PTPN14: variants seen among roughly 807,000 people sequenced by gnomAD.
The protein encoded by PTPN14 is tyrosine-protein phosphatase non-receptor type 14.
Under a neutral mutation model 126.8 loss-of-function variants are expected in PTPN14, and 53 were observed. That is an observed-to-expected ratio of 0.42 (90% CI 0.34 to 0.53). The LOEUF (loss-of-function observed/expected upper bound fraction) is 0.53, where lower values mean the gene tolerates loss of function less well. Ranked by LOEUF, PTPN14 falls within the 20% of genes least tolerant of loss-of-function variation. The pLI is 0.08. For synonymous variants in PTPN14, 630 were observed against 599.3 expected (o/e 1.05, Z -0.75); for missense variants, 1,257 against 1,552.9 (o/e 0.81, Z 3.20).
chr1:214,524,823 A>G (rs1655347030), intron 1 of PTPN14, among the ~76,000 whole-genome samples: 1 of 152,200 alleles, frequency 6.6e-6, no homozygotes, highest in African/African-American at 2.4e-5. Context: ...CCACCTCCCA[A>G]TCTTCTCTTC....
At chr1:214,533,559 C>A (rs954663488) in intron 1 of PTPN14, 3 of 290,726 alleles carry the variant, frequency 1.0e-5, no homozygotes, top group Non-Finnish European at 2.0e-5. Flanking sequence ...AGGCTGGGTG[C>A]GGTGGCTCAC....
chr1:214,470,090 C>G lies in PTPN14; in HGVS notation c.-154-5133G>C, dbSNP rs373722121. Among the ~76,000 whole-genome samples, 33 of 150,438 alleles carry G rather than the reference C, an allele frequency of 2.2e-4. 1 individual carries two copies. In the South Asian group the frequency reaches 6.2e-3, roughly 28 times the overall value. ...TCACTTGAGTCCACGAATTCAAGAA[C>G]AGCCTGGGCAAAATAGCGAGACTTT... is the stretch of plus-strand genomic sequence containing the variant. On this transcript the variant is annotated intron_variant, in intron 1 of 18. Coordinates refer to ENST00000366956, the MANE Select transcript of PTPN14 (RefSeq NM_005401.5).
intron 1 of PTPN14, chr1:214,528,207 T>C (rs945306047): frequency 1.3e-5 from 2 of 152,208 alleles, no homozygotes; most frequent in African/African-American, 2.4e-5. Flanking sequence ...TTTTATTTCA[T>C]GCATTAAACC....
chr1:214,382,412 C>T (rs1174169289), intron 13 of PTPN14, among the ~76,000 whole-genome samples: 2 of 152,190 alleles, frequency 1.3e-5, no homozygotes, highest in Non-Finnish European at 2.9e-5. Flanking sequence ...GCCTTGAATT[C>T]CTGGGCTCAA....
chr1:214,435,240 CTG>C (rs749181690), intron 3 of PTPN14, among the ~76,000 whole-genome samples: 3 of 150,994 alleles, frequency 2.0e-5, no homozygotes, highest in South Asian at 2.1e-4. Flanking sequence ...AGTGTGTCTG[CTG>C]TGTGTGTGTG....
intron 1 of PTPN14, among the ~76,000 whole-genome samples, chr1:214,546,131 C>T (rs1655963054): frequency 6.6e-6 from 1 of 152,196 alleles, no homozygotes; most frequent in Non-Finnish European, 1.5e-5. Flanking sequence ...AGCAAGACTT[C>T]TTAGCTCAGT....
At chr1:214,442,876 T>C (rs942464040) in intron 3 of PTPN14, among the ~76,000 whole-genome samples, 12 of 151,436 alleles carry the variant, frequency 7.9e-5, no homozygotes, top group Non-Finnish European at 1.5e-4. Context: ...CAGACTGGAG[T>C]GCTATGGTGC....
chr1:214,430,911 C>T (rs1053985882), intron 3 of PTPN14, among the ~76,000 whole-genome samples: 1 of 152,208 alleles, frequency 6.6e-6, no homozygotes, highest in African/African-American at 2.4e-5. Flanking sequence ...CAGGACAGGA[C>T]TGACATCTTG....
At chr1:214,373,122 T>TTGGCTCACTGCAACC (rs1291430669) in intron 15 of PTPN14, among the ~76,000 whole-genome samples, 1 of 152,184 alleles carries the variant, frequency 6.6e-6, no homozygotes, top group Non-Finnish European at 1.5e-5. Context: ...TGGCACGATC[T>TTGGCTCACTGCAACC]TGGCTCACTG....
intron 2 of PTPN14, among the ~76,000 whole-genome samples, chr1:214,457,045 A>G (rs975115610): frequency 6.6e-6 from 1 of 152,186 alleles, no homozygotes; most frequent in Non-Finnish European, 1.5e-5. Flanking sequence ...ATCCCACATA[A>G]ATTATTAATT....
intron 1 of PTPN14, among the ~76,000 whole-genome samples, chr1:214,544,440 A>AAAAGAAAAGAACGAG (rs1469814238): frequency 6.6e-6 from 1 of 151,732 alleles, no homozygotes; most frequent in Non-Finnish European, 1.5e-5. Flanking sequence ...AGAAAGAAGG[A>AAAAGAAAAGAACGAG]AAAGAAAAGA....
At chr1:214,506,121 G>A (rs4529685) in intron 1 of PTPN14, among the ~76,000 whole-genome samples, 5,952 of 152,220 alleles carry the variant, frequency 0.039, 171 homozygotes, top group Middle Eastern at 0.12. Flanking sequence ...AGGAAACTAA[G>A]ACTGATAACA....
chr1:214,495,663 T>TTTTATTTA (rs869249183), intron 1 of PTPN14, among the ~76,000 whole-genome samples: 5 of 3,636 alleles, frequency 1.4e-3, no homozygotes, highest in Non-Finnish European at 3.8e-3. Flanking sequence ...ATTTTATTTT[T>TTTTATTTA]TTTATTTATT....
intron 1 of PTPN14, among the ~76,000 whole-genome samples, chr1:214,470,232 T>A (rs928497958): frequency 6.6e-6 from 1 of 152,112 alleles, no homozygotes; most frequent in Non-Finnish European, 1.5e-5. Flanking sequence ...GAGACTGCAG[T>A]GAGCTATAAT....
chr1:214,525,137 C>T (rs1655354474), intron 1 of PTPN14, among the ~76,000 whole-genome samples: 1 of 152,138 alleles, frequency 6.6e-6, no homozygotes, highest in Non-Finnish European at 1.5e-5. Context: ...TAAATCTCTG[C>T]GAAGATTCAG....
chr1:214,406,466 G>A (rs181559011), intron 5 of PTPN14, among the ~76,000 whole-genome samples: 2 of 150,284 alleles, frequency 1.3e-5, no homozygotes, highest in African/African-American at 2.5e-5. Flanking sequence ...GGGTGACAGA[G>A]CGAGATTGTC....
chr1:214,360,327 G>A (rs1657925458), intron 18 of PTPN14, among the ~76,000 whole-genome samples: 1 of 152,166 alleles, frequency 6.6e-6, no homozygotes, highest in African/African-American at 2.4e-5. Flanking sequence ...GCCTGGGCTA[G>A]AGTGCAGTGG....
intron 17 of PTPN14, among the ~76,000 whole-genome samples, chr1:214,368,196 T>TTTTATTTATTTATTTATTTATTTATTTA (rs142403379): frequency 4.0e-4 from 59 of 146,236 alleles, no homozygotes; most frequent in African/African-American, 4.8e-4. Flanking sequence ...TGTTATTCGT[T>TTTTATTTATTTATTTATTTATTTATTTA]TTTATTTATT....
At chr1:214,463,510 T>C (rs1442105914) in intron 2 of PTPN14, among the ~76,000 whole-genome samples, 1 of 152,104 alleles carries the variant, frequency 6.6e-6, no homozygotes, top group Non-Finnish European at 1.5e-5. Context: ...AGGAGACAGA[T>C]GCATTTCAGG....
Sources: gnomAD v4.1 joint callset for allele counts (sites outside exome capture counted in the v4.1 genomes callset) on GRCh38, gnomAD v4.1.1 for gene constraint, MANE v1.5 for transcripts, NCBI Gene and HGNC (gene_info 2026-07-23, HGNC 2026-07-21) for gene names.